DCC: variants seen among roughly 807,000 people sequenced by gnomAD.
The protein encoded by DCC is netrin receptor DCC.
Under a neutral mutation model 172.5 loss-of-function variants are expected in DCC, and 58 were observed. The observed-to-expected ratio is 0.34, with a 90% confidence interval of 0.27 to 0.42. The LOEUF is 0.42. Ranked by LOEUF, DCC falls within the 10% of genes least tolerant of loss-of-function variation. The pLI is 1.00. For missense variants in DCC, 1,740 were observed against 1,791.0 expected, an observed-to-expected ratio of 0.97 and a Z score of 0.51; for synonymous variants, 709 against 644.5, an observed-to-expected ratio of 1.10 and a Z score of -1.52.
rs2046549367 is a variant in DCC, at chr18:53,534,056, C to T, written c.*3403C>T. 1 of 152,154 alleles carries T rather than the reference C, an allele frequency of 6.6e-6. No individual in the cohort carries two copies. Among genetic ancestry groups the T allele is most frequent in the Non-Finnish European group, 1.5e-5 (1 of 68,028 alleles). 9.4% of individuals were successfully genotyped at this position (152,154 alleles called of 1,614,324 possible). A position where few individuals can be genotyped will look rare whatever the true frequency, so the allele number is the denominator to read the frequency against. On this transcript the variant is annotated 3_prime_UTR_variant, in exon 29 of 29. Coordinates refer to ENST00000442544, the MANE Select transcript of DCC (RefSeq NM_005215.4). ...CTGTGCTTGAAGATGATTGCTGATACTTATCCACCCTTTGGGTACTTCTGT... is the reference window on the plus strand; with the variant it reads ...CTGTGCTTGAAGATGATTGCTGATATTTATCCACCCTTTGGGTACTTCTGT...
chr18:53,053,504 C>T (rs924730745), intron 5 of DCC, among the ~76,000 whole-genome samples: 1 of 152,064 alleles, frequency 6.6e-6, no homozygotes, highest in Admixed American at 6.6e-5. Context: ...TTATAATCTA[C>T]CATTCCCTCA....
intron 1 of DCC, among the ~76,000 whole-genome samples, chr18:52,552,216 A>G (rs914698903): frequency 1.3e-5 from 2 of 152,062 alleles, no homozygotes; most frequent in African/African-American, 4.8e-5. Context: ...TTTTAACATT[A>G]GGAGGAGACC....
intron 27 of DCC, 145 bp from the exon 28 acceptor site, chr18:53,526,472 C>T: frequency 3.4e-6 from 3 of 874,712 alleles, no homozygotes; most frequent in Non-Finnish European, 5.6e-6. Flanking sequence ...CGAGCCCACT[C>T]ATTGTGTCAG....
chr18:52,993,183 C>T (rs1397473757), intron 5 of DCC, among the ~76,000 whole-genome samples: 1 of 151,934 alleles, frequency 6.6e-6, no homozygotes. Flanking sequence ...TCTATTGAGA[C>T]CCACAAAACT....
At chr18:53,448,484 C>T (rs1472941932) in intron 22 of DCC, among the ~76,000 whole-genome samples, 1 of 152,218 alleles carries the variant, frequency 6.6e-6, no homozygotes, top group Non-Finnish European at 1.5e-5. Context: ...TTAGCTCCCA[C>T]TGGGTCCCTT....
chr18:52,967,082 T>G (rs2040945107), intron 5 of DCC, among the ~76,000 whole-genome samples: 1 of 152,168 alleles, frequency 6.6e-6, no homozygotes, highest in South Asian at 2.1e-4. Flanking sequence ...CTGAAATGAA[T>G]TGACACATTT....
chr18:52,410,777 A>T (rs549537888), intron 1 of DCC, among the ~76,000 whole-genome samples: 4 of 152,280 alleles, frequency 2.6e-5, no homozygotes, highest in African/African-American at 9.6e-5. Context: ...GAAACAAAAC[A>T]TTATTCAGTG....
chr18:52,763,910 T>A (rs1278155546), intron 2 of DCC, among the ~76,000 whole-genome samples: 1 of 152,244 alleles, frequency 6.6e-6, no homozygotes, highest in Non-Finnish European at 1.5e-5. Context: ...TGGTTTTTAA[T>A]TCCTGCATAA....
chr18:52,521,862 C>T (rs1490866641), intron 1 of DCC, among the ~76,000 whole-genome samples: 1 of 152,102 alleles, frequency 6.6e-6, no homozygotes, highest in Non-Finnish European at 1.5e-5. Context: ...ACTACTGCCT[C>T]TCCAGCCAAA....
intron 7 of DCC, among the ~76,000 whole-genome samples, chr18:53,089,789 TTTCA>T (rs764837867): frequency 6.6e-6 from 1 of 152,204 alleles, no homozygotes; most frequent in Non-Finnish European, 1.5e-5. Context: ...CAGTGAATTG[TTTCA>T]TTATCTCAAT....
intron 1 of DCC, among the ~76,000 whole-genome samples, chr18:52,419,019 C>T (rs1410686577): frequency 2.6e-5 from 4 of 151,826 alleles, no homozygotes; most frequent in Non-Finnish European, 5.9e-5. Flanking sequence ...CGCCACCAGG[C>T]CAGGCTAATT....
chr18:53,207,363 C>T (rs973174579), intron 10 of DCC, among the ~76,000 whole-genome samples: 6 of 152,116 alleles, frequency 3.9e-5, no homozygotes, highest in East Asian at 3.9e-4. Context: ...GTTCCCATGG[C>T]GTTATAAGCT....
intron 3 of DCC, among the ~76,000 whole-genome samples, chr18:52,911,247 C>A (rs1292473223): frequency 6.6e-6 from 1 of 151,886 alleles, no homozygotes; most frequent in African/African-American, 2.4e-5. Flanking sequence ...TAACATAAGG[C>A]AGAGAAGGGC....
chr18:52,883,350 A>ATTTATGTG (rs1270659885), intron 2 of DCC, among the ~76,000 whole-genome samples: 14 of 34,160 alleles, frequency 4.1e-4, no homozygotes, highest in East Asian at 2.3e-3. Flanking sequence ...TTATTTATTT[A>ATTTATGTG]TGTGTGTGTG....
intron 16 of DCC, among the ~76,000 whole-genome samples, chr18:53,387,711 A>C (rs1908259529): frequency 1.3e-5 from 2 of 152,230 alleles, no homozygotes; most frequent in African/African-American, 2.4e-5. Context: ...ATTGTGTCTC[A>C]TAATTTTCCT....
At chr18:53,098,176 T>A (rs2043114098) in intron 7 of DCC, among the ~76,000 whole-genome samples, 1 of 152,132 alleles carries the variant, frequency 6.6e-6, no homozygotes, top group African/African-American at 2.4e-5. Context: ...TGTAGAATGG[T>A]ACTATGTTTC....
At chr18:52,592,957 G>A (rs1483215025) in intron 1 of DCC, among the ~76,000 whole-genome samples, 1 of 152,028 alleles carries the variant, frequency 6.6e-6, no homozygotes. Flanking sequence ...GATATTAAAG[G>A]TCAATTTTAC....
Position 53,428,680 on chromosome 18 carries a change from AT to A in DCC, c.3164-6459del, listed in dbSNP as rs1424264481. Among the ~76,000 whole-genome samples the A allele has an allele frequency of 8.2e-5, 5 of 61,188 alleles. 1 individual carries two copies. Among genetic ancestry groups the A allele is most frequent in the African/African-American group, 2.6e-4 (5 of 19,026 alleles). 40.1% of individuals were successfully genotyped at this position (61,188 alleles called of 152,430 possible). ...ATAATGTATATTTTATATAATATAT[AT>A]TTTTATATATAATGTATATTTTATA... is the stretch of plus-strand genomic sequence containing the variant. On this transcript the variant is annotated intron_variant, in intron 21 of 28. Transcript: ENST00000442544.
At chr18:53,036,244 T>G (rs990304823) in intron 5 of DCC, among the ~76,000 whole-genome samples, 1 of 152,068 alleles carries the variant, frequency 6.6e-6, no homozygotes, top group Admixed American at 6.6e-5. Flanking sequence ...TATGGTATAG[T>G]CAGTTCTACT....
Sources: allele counts gnomAD v4.1 joint callset (sites outside exome capture counted in the v4.1 genomes callset), GRCh38; gene constraint gnomAD v4.1.1; transcripts MANE v1.5; gene names NCBI Gene and HGNC (gene_info 2026-07-23, HGNC 2026-07-21).